Variants in WWOX observed in about 807,000 individuals in gnomAD.
WWOX encodes the protein WW domain containing oxidoreductase.
In WWOX, 69 loss-of-function variants were observed where a neutral mutation model predicts 46.2. The ratio of observed to expected loss-of-function variants is 1.49; its 90% CI spans 1.23 to 1.82. The LOEUF (loss-of-function observed/expected upper bound fraction) is 1.82, where lower values mean the gene tolerates loss of function less well. Among genes scored for constraint, WWOX ranks in the 40% most tolerant of loss-of-function variants. The pLI is 0.00. For missense variants in WWOX, 919 were observed against 542.6 expected (o/e 1.69, Z -6.89); for synonymous variants, 359 against 202.6 (o/e 1.77, Z -6.56).
intron 8 of WWOX, among the ~76,000 whole-genome samples, chr16:78,833,051 T>C (rs897776204): frequency 1.2e-4 from 15 of 124,470 alleles, no homozygotes; most frequent in African/African-American, 3.1e-4. Flanking sequence ...TTTTTTTTTT[T>C]CCTTTCTTAA....
At chr16:78,708,100 A>G (rs1597472330) in intron 8 of WWOX, among the ~76,000 whole-genome samples, 1 of 152,084 alleles carries the variant, frequency 6.6e-6, no homozygotes, top group Non-Finnish European at 1.5e-5. Context: ...CAGAGGCAGG[A>G]ATATCACCTG....
intron 8 of WWOX, among the ~76,000 whole-genome samples, chr16:78,661,046 C>T (rs73565274): frequency 2.0e-5 from 3 of 152,106 alleles, no homozygotes; most frequent in South Asian, 4.1e-4. Context: ...AATGTTCCTG[C>T]ATGTATATTT....
chr16:79,026,165 C>G lies in WWOX; in HGVS notation c.1057-185443C>G, dbSNP rs144630624. On this transcript the variant is annotated intron_variant, in intron 8 of 8. Transcript: ENST00000566780. Reference sequence around the variant, plus strand: ...CCTTCCACTCGCTTCTTTAAGTTTCCTCACTCCTTTTAGGTGAACAACCCA... The same window carrying G: ...CCTTCCACTCGCTTCTTTAAGTTTCGTCACTCCTTTTAGGTGAACAACCCA... 3.8e-3 allele frequency among the ~76,000 whole-genome samples: 582 copies of G among 151,714 alleles called. 20 individuals are homozygous for G. The highest frequency in any genetic ancestry group is 0.013 in the African/African-American group (547 of 41,076).
Position 78,473,198 on chromosome 16 carries a change from C to G in WWOX, c.1056+40446C>G, listed in dbSNP as rs191495874. Among the ~76,000 whole-genome samples, 267 of 152,298 alleles carry G rather than the reference C, an allele frequency of 1.8e-3. 1 individual carries two copies. Among genetic ancestry groups the G allele is most frequent in the African/African-American group, 5.9e-3 (247 of 41,564 alleles). ...AGGCTAGAGTGCAGTGGTGCGTTCT[C>G]TGCTCACTGCGGCCTGCATCTCCCA... On this transcript the variant is annotated intron_variant, in intron 8 of 8. Coordinates refer to ENST00000566780, the MANE Select transcript of WWOX (RefSeq NM_016373.4).
chr16:78,539,256 C>G (rs1042081733), intron 8 of WWOX, among the ~76,000 whole-genome samples: 1 of 152,212 alleles, frequency 6.6e-6, no homozygotes, highest in Non-Finnish European at 1.5e-5. Context: ...GATGCACAGA[C>G]AAAATCACAG....
At chr16:78,939,503 C>A (rs1403220196) in intron 8 of WWOX, among the ~76,000 whole-genome samples, 1 of 152,128 alleles carries the variant, frequency 6.6e-6, no homozygotes, top group East Asian at 1.9e-4. Context: ...AAGTTTGTTT[C>A]AAGTCTAGTC....
chr16:79,059,307 G>A (rs1246200898), intron 8 of WWOX, among the ~76,000 whole-genome samples: 5 of 152,176 alleles, frequency 3.3e-5, no homozygotes, highest in Admixed American at 3.3e-4. Flanking sequence ...TTAATCTAGT[G>A]TGTAATTGCT....
intron 5 of WWOX, among the ~76,000 whole-genome samples, chr16:78,274,634 A>G (rs1285753818): frequency 6.6e-6 from 1 of 152,022 alleles, no homozygotes; most frequent in Admixed American, 6.6e-5. Flanking sequence ...CTAAGTCCCT[A>G]TGTCTTAGAG....
intron 8 of WWOX, among the ~76,000 whole-genome samples, chr16:78,852,683 A>C (rs1324821092): frequency 6.6e-6 from 1 of 152,214 alleles, no homozygotes; most frequent in Non-Finnish European, 1.5e-5. Context: ...ATTTTGGAGT[A>C]ATTTGCTACA....
chr16:78,177,964 C>T (rs1298507557), intron 5 of WWOX, among the ~76,000 whole-genome samples: 1 of 152,172 alleles, frequency 6.6e-6, no homozygotes, highest in African/African-American at 2.4e-5. Flanking sequence ...TTCAATAGTT[C>T]CTGTTGTGAG....
chr16:78,358,452 G>A (rs1341046722), intron 5 of WWOX, among the ~76,000 whole-genome samples: 1 of 152,178 alleles, frequency 6.6e-6, no homozygotes, highest in African/African-American at 2.4e-5. Context: ...GAGGTCAGGA[G>A]TTTGAGACCA....
At chr16:78,456,351 T>A (rs1334187375) in intron 8 of WWOX, among the ~76,000 whole-genome samples, 2 of 152,164 alleles carry the variant, frequency 1.3e-5, no homozygotes, top group East Asian at 3.9e-4. Flanking sequence ...ATAGTCCTAA[T>A]GTTGTACAAG....
intron 8 of WWOX, among the ~76,000 whole-genome samples, chr16:78,976,196 CAAAT>C (rs1430640405): frequency 2.0e-5 from 3 of 152,208 alleles, no homozygotes; most frequent in African/African-American, 7.2e-5. Context: ...AAAGAATGAA[CAAAT>C]GAATGAATGA....
At chr16:78,851,238 A>C (rs1484008503) in intron 8 of WWOX, among the ~76,000 whole-genome samples, 4 of 152,162 alleles carry the variant, frequency 2.6e-5, no homozygotes, top group African/African-American at 9.7e-5. Context: ...AACCAAATTC[A>C]CAGAAACTGA....
intron 8 of WWOX, among the ~76,000 whole-genome samples, chr16:79,116,748 T>A (rs546907613): frequency 2.0e-5 from 3 of 152,150 alleles, no homozygotes; most frequent in African/African-American, 7.2e-5. Context: ...TTATTATTAA[T>A]TTTTGATCCT....
chr16:79,026,839 C>T (rs896937752), intron 8 of WWOX, among the ~76,000 whole-genome samples: 2 of 149,234 alleles, frequency 1.3e-5, no homozygotes, highest in Non-Finnish European at 3.0e-5. Flanking sequence ...CCATGTTAGC[C>T]AGGATGGTCT....
intron 5 of WWOX, among the ~76,000 whole-genome samples, chr16:78,371,636 A>T (rs1376616944): frequency 6.6e-6 from 1 of 151,980 alleles, no homozygotes; most frequent in Non-Finnish European, 1.5e-5. Flanking sequence ...TGATTGTTAT[A>T]TATTCTTGCT....
chr16:78,235,115 C>A (rs2037392702), intron 5 of WWOX, among the ~76,000 whole-genome samples: 4 of 151,890 alleles, frequency 2.6e-5, no homozygotes, highest in Admixed American at 2.6e-4. Flanking sequence ...AGGGAAATAT[C>A]ATAAATAATT....
chr16:79,173,650 A>C (rs1221731452), intron 8 of WWOX, among the ~76,000 whole-genome samples: 2 of 152,156 alleles, frequency 1.3e-5, no homozygotes, highest in Non-Finnish European at 1.5e-5. Context: ...GAAAAAAAAA[A>C]AACCCACCTA....
Sources: allele counts gnomAD v4.1 joint callset (sites outside exome capture counted in the v4.1 genomes callset), GRCh38; gene constraint gnomAD v4.1.1; transcripts MANE v1.5; gene names NCBI Gene and HGNC (gene_info 2026-07-23, HGNC 2026-07-21).